Variants in ERBIN observed in about 807,000 individuals in gnomAD.
ERBIN encodes the protein densin-180-like protein.
In ERBIN, 60 loss-of-function variants were observed where a neutral mutation model predicts 158.4. That is an observed-to-expected ratio of 0.38 (90% confidence interval 0.31 to 0.47). ERBIN has a LOEUF of 0.47. Among genes scored for constraint, ERBIN ranks in the 20% least tolerant of loss-of-function variants. ERBIN has a pLI of 0.99. For synonymous variants in ERBIN, 594 were observed against 557.2 expected (o/e 1.07, Z -0.93); for missense variants, 1,610 against 1,648.0 (o/e 0.98, Z 0.40).
intron 22 of ERBIN, among the ~76,000 whole-genome samples, chr5:66,073,479 C>T (rs1291298524): frequency 2.0e-5 from 3 of 152,116 alleles, no homozygotes; most frequent in Non-Finnish European, 2.9e-5. Context: ...TTGTCAGTAA[C>T]ATCCTTGTGT....
intron 21 of ERBIN, among the ~76,000 whole-genome samples, chr5:66,057,237 A>C (rs1229872664): frequency 6.6e-6 from 1 of 152,170 alleles, no homozygotes; most frequent in Non-Finnish European, 1.5e-5. Context: ...TGGTGGATTC[A>C]TGTGTATGTT....
At position 65,949,829 on chromosome 5, in the gene ERBIN, C is replaced by T. The variant is rs901382911; in HGVS notation, c.-58+23023C>T. On this transcript the variant is annotated intron_variant, in intron 1 of 25. Coordinates refer to ENST00000284037, the MANE Select transcript of ERBIN (RefSeq NM_001253697.2). ...GACCATGTTGTATTTAGTTTTATGT[C>T]TTTTATTTTTTTAATTTTCATTTTT... Among the ~76,000 whole-genome samples the T allele has an allele frequency of 2.6e-5, 4 of 152,122 alleles. No homozygotes were observed. In the South Asian group the frequency reaches 6.2e-4, roughly 24 times the overall value.
rs1561372980 is a variant in ERBIN at position 66,013,587 on chromosome 5, A to G, written c.425A>G (p.Gln142Arg). ...TTTTCTCAGCTGTTAAACCTAACCC[A>G]GTTGTATCTGAATGATGCTTTTCTT... Reference protein sequence around the residue: ...DGFSQLLNLTQLYLNDAFLEF... With the variant: ...DGFSQLLNLTRLYLNDAFLEF... The change falls in exon 6 of 26, where the codon CAG becomes CGG. Residue 142 changes from glutamine to arginine, a missense_variant. Physicochemically the swap from Gln to Arg is conservative, Grantham distance 43. Coordinates refer to ENST00000284037, the MANE Select transcript of ERBIN (RefSeq NM_001253697.2). The G allele has an allele frequency of 6.2e-7, 1 of 1,613,564 alleles. No homozygotes were observed. Among genetic ancestry groups the G allele is most frequent in the South Asian group, 1.1e-5 (1 of 91,058 alleles).
At chr5:65,971,841 GC>G (rs1749282443) in intron 1 of ERBIN, among the ~76,000 whole-genome samples, 1 of 152,142 alleles carries the variant, frequency 6.6e-6, no homozygotes, top group South Asian at 2.1e-4. Flanking sequence ...TGAGTCAGGT[GC>G]CCGTTCCCTT....
chr5:66,076,732 G>T, intron 24 of ERBIN, 143 bp from the exon 25 acceptor site: 1 of 653,496 alleles, frequency 1.5e-6, no homozygotes, highest in Non-Finnish European at 2.7e-6. Flanking sequence ...TAACTAGTTT[G>T]TTACAGTATT....
intron 4 of ERBIN, among the ~76,000 whole-genome samples, chr5:66,006,586 C>T (rs1469525866): frequency 7.9e-5 from 12 of 151,962 alleles, no homozygotes; most frequent in Admixed American, 5.9e-4. Context: ...CAAAAGAAAC[C>T]ACCATCAGAG....
intron 1 of ERBIN, among the ~76,000 whole-genome samples, chr5:65,957,876 C>T (rs1352863911): frequency 2.0e-5 from 3 of 150,424 alleles, no homozygotes; most frequent in African/African-American, 4.9e-5. Flanking sequence ...GGCTGCCGGG[C>T]GGAGGCACTC....
At position 66,050,887 on chromosome 5, in the gene ERBIN, C is replaced by G. The variant is rs1005923573; in HGVS notation, c.2008C>G (p.Leu670Val). Residue 670 changes from leucine (L) to valine (V), a missense_variant, in exon 20 of 26, where the codon CTT becomes GTT. Around this residue, in one of 2 missense-constraint regions of ERBIN, gnomAD observed 1,014 missense variants for 936.1 expected, o/e 1.08. Transcript: ENST00000284037. ...ATCTCGGATGTCTGATTCAGTTTCT[C>G]TTAATACTGATAGTAGTCAAGACAC... ...SPSRMSDSVSLNTDSSQDTSL... is the reference protein window; with the variant it reads ...SPSRMSDSVSVNTDSSQDTSL... 5 of 1,606,244 alleles carry G rather than the reference C, an allele frequency of 3.1e-6. No individual in the cohort carries two copies. The African/African-American group carries it at 5.4e-5, about 17-fold the overall frequency.
chr5:65,987,041 A>T (rs1461334664), intron 1 of ERBIN, among the ~76,000 whole-genome samples: 1 of 152,066 alleles, frequency 6.6e-6, no homozygotes, highest in Non-Finnish European at 1.5e-5. Context: ...AAAATGGGAG[A>T]GTGGTGGTGT....
intron 12 of ERBIN, 70 bp from the exon 13 acceptor site, chr5:66,026,232 T>G (rs1756236979): frequency 7.4e-6 from 7 of 945,238 alleles, no homozygotes; most frequent in Non-Finnish European, 1.1e-5. Flanking sequence ...CTTTCAAAAA[T>G]GATGTTTTTT....
intron 1 of ERBIN, among the ~76,000 whole-genome samples, chr5:65,945,181 G>A (rs1010146175): frequency 1.4e-4 from 22 of 152,292 alleles, no homozygotes; most frequent in African/African-American, 5.1e-4. Context: ...ATGTCTTACA[G>A]ATTTAAAGAG....
intron 1 of ERBIN, among the ~76,000 whole-genome samples, chr5:65,954,097 G>A (rs970741870): frequency 5.3e-5 from 8 of 152,198 alleles, no homozygotes; most frequent in African/African-American, 1.9e-4. Flanking sequence ...CTGACTGACA[G>A]TTGGGTAATA....
chr5:66,054,031 G>C lies in ERBIN; in HGVS notation c.2713G>C (p.Val905Leu). 1 of 1,614,152 alleles carries C rather than the reference G, an allele frequency of 6.2e-7. No homozygotes were observed. The highest frequency in any genetic ancestry group is 1.7e-4 in the Middle Eastern group (1 of 6,060). The change falls in exon 21 of 26, where the codon GTT becomes CTT. Residue 905 changes from valine to leucine, a missense_variant. Coordinates refer to ENST00000284037, the MANE Select transcript of ERBIN (RefSeq NM_001253697.2). ...PSTTVKITSA[V>L]DGKNIVRSKS... ...TACAACCGTTAAAATCACATCTGCT[G>C]TTGATGGAAAAAATATAGTCAGGAG... is the stretch of plus-strand genomic sequence containing the variant.
intron 14 of ERBIN, among the ~76,000 whole-genome samples, chr5:66,035,125 G>A (rs973761758): frequency 1.3e-5 from 2 of 152,124 alleles, no homozygotes; most frequent in South Asian, 2.1e-4. Context: ...TGCCTTACAT[G>A]TTTGTGCTTC....
At position 66,026,450 on chromosome 5, in the gene ERBIN, A is replaced by G. The variant is rs1414530433; in HGVS notation, c.1136+33A>G. 7 of 1,217,810 alleles carry G rather than the reference A, an allele frequency of 5.7e-6. No homozygotes were observed. In the East Asian group the frequency reaches 1.8e-4, roughly 31 times the overall value. The allele number at this position is 1,217,810 out of a possible 1,614,324, so 75.4% of individuals were successfully genotyped here. A position where few individuals can be genotyped will look rare whatever the true frequency, so the allele number is the denominator to read the frequency against. ...ATACTATATTCATCAGTTGGTTTAT[A>G]GGAGACATTGGTTAGATGAAATTAA... On this transcript the variant is annotated intron_variant, in intron 13 of 25. Transcript: ENST00000284037.
Position 66,078,565 on chromosome 5 carries a change from G to T in ERBIN, c.*35G>T. 1 of 1,238,200 alleles carries T rather than the reference G, an allele frequency of 8.1e-7. No homozygotes were observed. The highest frequency in any genetic ancestry group is 1.2e-6 in the Non-Finnish European group (1 of 843,576). The allele number at this position is 1,238,200 out of a possible 1,614,324, so 76.7% of individuals were successfully genotyped here. ...ACAAAAAAAGCGGGGAAGACAGCAA[G>T]ATTTATTGGAAGATACTTACAGGGG... is the stretch of plus-strand genomic sequence containing the variant. On this transcript the variant is annotated 3_prime_UTR_variant, in exon 26 of 26. Transcript: ENST00000284037.
intron 7 of ERBIN, among the ~76,000 whole-genome samples, chr5:66,017,333 T>C (rs1426730777): frequency 6.6e-6 from 1 of 152,156 alleles, no homozygotes; most frequent in Non-Finnish European, 1.5e-5. Flanking sequence ...AGATTCCTCT[T>C]TGTTCCCATC....
intron 21 of ERBIN, among the ~76,000 whole-genome samples, chr5:66,064,782 G>A (rs1254993501): frequency 6.6e-6 from 1 of 152,150 alleles, no homozygotes; most frequent in Non-Finnish European, 1.5e-5. Context: ...AAATTGTTTA[G>A]TTTTAGGGAT....
At chr5:66,072,395 G>A in intron 22 of ERBIN, 104 bp downstream of exon 22, 2 of 1,151,784 alleles carry the variant, frequency 1.7e-6, no homozygotes, top group Non-Finnish European at 2.3e-6. Context: ...CTTTTTTGAG[G>A]GCTTTCCCCC....
Sources: gnomAD v4.1 joint callset for allele counts (sites outside exome capture counted in the v4.1 genomes callset) on GRCh38, gnomAD v4.1.1 for gene constraint, gnomAD v4.1.1 regional missense constraint, MANE v1.5 for transcripts, NCBI Gene and HGNC (gene_info 2026-07-23, HGNC 2026-07-21) for gene names.